ARMH3: variants seen among roughly 807,000 people sequenced by gnomAD.
ARMH3 encodes armadillo-like helical domain-containing protein 3.
A neutral mutation model predicts 99.1 loss-of-function variants in ARMH3; 60 were observed. The ratio of observed to expected loss-of-function variants is 0.61; its 90% CI spans 0.49 to 0.75. The LOEUF (loss-of-function observed/expected upper bound fraction) is 0.75, where lower values mean the gene tolerates loss of function less well. Among genes scored for constraint, ARMH3 ranks in the 30% least tolerant of loss-of-function variants. ARMH3 has a pLI of 0.00. For missense variants in ARMH3, 679 were observed against 843.1 expected (o/e 0.81, Z 2.41); for synonymous variants, 285 against 292.8 (o/e 0.97, Z 0.27).
chr10:102,012,917 C>G, intron 9 of ARMH3, 41 bp from the exon 10 acceptor site: 1 of 1,537,762 alleles, frequency 6.5e-7, no homozygotes, highest in Non-Finnish European at 8.9e-7. Flanking sequence ...AAGACAGTAG[C>G]CTTTGGGAGT....
At chr10:101,864,421 C>G (rs1369089453) in intron 24 of ARMH3, among the ~76,000 whole-genome samples, 1 of 152,140 alleles carries the variant, frequency 6.6e-6, no homozygotes, top group Non-Finnish European at 1.5e-5. Context: ...ATAAATCATG[C>G]TACTATAAAG....
chr10:102,055,578 G>A (rs1267780819), intron 1 of ARMH3, among the ~76,000 whole-genome samples: 1 of 152,182 alleles, frequency 6.6e-6, no homozygotes, highest in Non-Finnish European at 1.5e-5. Context: ...GATTCCGTGT[G>A]AAGAGTGGGT....
At chr10:102,013,827 AAAG>A (rs1242987126) in intron 9 of ARMH3, 138 bp downstream of exon 9, 6 of 710,064 alleles carry the variant, frequency 8.4e-6, no homozygotes, top group Middle Eastern at 3.3e-4. Flanking sequence ...GACGCACTAA[AAAG>A]AAATATTAAT....
chr10:102,029,418 T>A, intron 5 of ARMH3: 1 of 1,522,640 alleles, frequency 6.6e-7, no homozygotes, highest in Non-Finnish European at 8.8e-7. Context: ...TCTGTCTTTA[T>A]CCCGCAGGGA....
At chr10:101,873,471 T>C (rs1160183728) in intron 24 of ARMH3, among the ~76,000 whole-genome samples, 1 of 152,138 alleles carries the variant, frequency 6.6e-6, no homozygotes, top group Non-Finnish European at 1.5e-5. Context: ...TTTTTTTCTT[T>C]CAACATATTT....
intron 23 of ARMH3, among the ~76,000 whole-genome samples, chr10:101,908,685 CAG>C (rs1394141945): frequency 7.2e-6 from 1 of 139,072 alleles, no homozygotes; most frequent in African/African-American, 2.7e-5. Context: ...TTTTTTGAGA[CAG>C]AGTTTCGCTC....
chr10:101,905,420 T>A (rs1460368506), intron 23 of ARMH3, among the ~76,000 whole-genome samples: 3 of 152,224 alleles, frequency 2.0e-5, no homozygotes, highest in African/African-American at 7.2e-5. Flanking sequence ...ATGTGATAAA[T>A]GCTACAAGAG....
chr10:102,055,294 T>A (rs1431144202), intron 1 of ARMH3, among the ~76,000 whole-genome samples: 1 of 144,456 alleles, frequency 6.9e-6, no homozygotes, highest in Non-Finnish European at 1.5e-5. Flanking sequence ...CGAAACTCCA[T>A]CTCAAAATAA....
chr10:101,968,774 C>T (rs1845646117), intron 20 of ARMH3, among the ~76,000 whole-genome samples: 1 of 152,128 alleles, frequency 6.6e-6, no homozygotes, highest in Non-Finnish European at 1.5e-5. Context: ...TGGATTCAGC[C>T]AAATGTAGTG....
intron 5 of ARMH3, among the ~76,000 whole-genome samples, chr10:102,025,549 G>A (rs1202552577): frequency 6.6e-6 from 1 of 152,200 alleles, no homozygotes; most frequent in African/African-American, 2.4e-5. Context: ...AATGTTTGCA[G>A]TCTGTCATCC....
In ARMH3 at chr10:101,980,078, C is replaced by T. The variant is rs140096730; in HGVS notation, c.1407-4778G>A. 7.0e-3 allele frequency among the ~76,000 whole-genome samples: 1,070 copies of T among 152,304 alleles called. 9 individuals carry two copies. The highest frequency in any genetic ancestry group is 0.011 in the Non-Finnish European group (722 of 68,024). On this transcript the variant is annotated intron_variant, in intron 19 of 25. Transcript: ENST00000370033. ...GGCCCAAGGCTTGGACTGTACCCCT[C>T]TGGAACTCCAGGCTCATCACACAAA...
chr10:102,051,245 G>A (rs930018989), intron 1 of ARMH3, among the ~76,000 whole-genome samples: 8 of 151,732 alleles, frequency 5.3e-5, no homozygotes, highest in South Asian at 2.1e-4. Context: ...GGCCAAGGCC[G>A]GCGGATCATC....
intron 22 of ARMH3, among the ~76,000 whole-genome samples, chr10:101,941,567 C>T (rs141598280): frequency 6.6e-6 from 1 of 152,310 alleles, no homozygotes; most frequent in Non-Finnish European, 1.5e-5. Context: ...CATCTGGCTG[C>T]TCTACGTCTG....
intron 23 of ARMH3, among the ~76,000 whole-genome samples, chr10:101,938,360 T>C (rs552416503): frequency 6.6e-6 from 1 of 152,320 alleles, no homozygotes; most frequent in Admixed American, 6.5e-5. Context: ...CTTTCTTAGC[T>C]GTCGGAAAAA....
chr10:102,039,435 G>A (rs529776476), intron 2 of ARMH3, among the ~76,000 whole-genome samples: 1 of 152,092 alleles, frequency 6.6e-6, no homozygotes, highest in African/African-American at 2.4e-5. Context: ...GAGCCACCGC[G>A]CCCAGCCCCT....
At chr10:101,896,001 C>T (rs2067823545) in intron 23 of ARMH3, among the ~76,000 whole-genome samples, 1 of 152,152 alleles carries the variant, frequency 6.6e-6, no homozygotes, top group South Asian at 2.1e-4. Flanking sequence ...CACAGTGACT[C>T]ATGCCTGCAA....
At chr10:101,966,058 T>C (rs2135867324) in intron 20 of ARMH3, among the ~76,000 whole-genome samples, 1 of 152,066 alleles carries the variant, frequency 6.6e-6, no homozygotes, top group South Asian at 2.1e-4. Context: ...CGTGAATTCC[T>C]AGAGATAGAA....
chr10:101,916,886 T>TAGACATC (rs1342797387), intron 23 of ARMH3, among the ~76,000 whole-genome samples: 4 of 152,186 alleles, frequency 2.6e-5, no homozygotes, highest in African/African-American at 9.7e-5. Context: ...CTCTTGCCCT[T>TAGACATC]AGACATCAGA....
At chr10:101,866,742 A>G (rs2067013820) in intron 24 of ARMH3, among the ~76,000 whole-genome samples, 2 of 152,214 alleles carry the variant, frequency 1.3e-5, no homozygotes, top group Admixed American at 6.5e-5. Flanking sequence ...GGGGAACTTA[A>G]TATCAGCAAA....
Sources: allele counts gnomAD v4.1 joint callset (sites outside exome capture counted in the v4.1 genomes callset), GRCh38; gene constraint gnomAD v4.1.1; transcripts MANE v1.5; gene names NCBI Gene and HGNC (gene_info 2026-07-23, HGNC 2026-07-21).